The following SORL1 variants were observed in gnomAD, a reference collection of about 807,000 sequenced individuals.
SORL1 encodes sortilin-related receptor.
SORL1 carries 127 observed loss-of-function variants against 273.7 expected under a neutral mutation model. That is an observed-to-expected ratio of 0.46 (90% CI 0.40 to 0.54). The LOEUF is 0.54. Among genes scored for constraint, SORL1 ranks in the 20% least tolerant of loss-of-function variants. The pLI is 0.00. For missense variants in SORL1, 2,494 were observed against 2,846.1 expected (o/e 0.88, Z 2.81); for synonymous variants, 1,031 against 1,067.4 (o/e 0.97, Z 0.66).
At chr11:121,604,794 A>T (rs1863444403) in intron 33 of SORL1, among the ~76,000 whole-genome samples, 1 of 152,146 alleles carries the variant, frequency 6.6e-6, no homozygotes, top group South Asian at 2.1e-4. Context: ...CCTAGGAGGG[A>T]TTGTATAGGG....
chr11:121,613,021 C>T (rs947069933), intron 40 of SORL1, among the ~76,000 whole-genome samples, 189 bp downstream of exon 40: 17 of 152,188 alleles, frequency 1.1e-4, no homozygotes, highest in African/African-American at 4.1e-4. Context: ...GAGGGATTCA[C>T]TCAGTGGCCC....
In SORL1 at chr11:121,589,409, C is replaced by A; in HGVS notation, c.4078+19C>A. 1 of 1,611,768 alleles carries A rather than the reference C, an allele frequency of 6.2e-7. No homozygotes were observed. The highest frequency in any genetic ancestry group is 1.1e-5 in the South Asian group (1 of 91,028). On this transcript the variant is annotated intron_variant, in intron 29 of 47. Transcript: ENST00000260197. ...AACTGCGGTAAGATGTCCAGTCTGCCTCCTCACATCCTAATCCTCTAGTTA... is the reference window on the plus strand; with the variant it reads ...AACTGCGGTAAGATGTCCAGTCTGCATCCTCACATCCTAATCCTCTAGTTA...
At chr11:121,488,648 C>T (rs1341737099) in intron 4 of SORL1, among the ~76,000 whole-genome samples, 3 of 152,150 alleles carry the variant, frequency 2.0e-5, no homozygotes, top group African/African-American at 7.2e-5. Context: ...CAGTAATAGT[C>T]TTCCTTCGAG....
At chr11:121,485,069 A>T (rs748373781) in intron 3 of SORL1, among the ~76,000 whole-genome samples, 2 of 152,114 alleles carry the variant, frequency 1.3e-5, no homozygotes, top group Non-Finnish European at 2.9e-5. Flanking sequence ...GCTTGTTCTT[A>T]AGGGCGGTGG....
intron 25 of SORL1, among the ~76,000 whole-genome samples, chr11:121,579,673 C>G (rs777023494): frequency 6.6e-6 from 1 of 152,144 alleles, no homozygotes; most frequent in Non-Finnish European, 1.5e-5. Flanking sequence ...TACTAAAATA[C>G]CTAGTATTTT....
chr11:121,617,669 G>A (rs1012264876), intron 41 of SORL1, among the ~76,000 whole-genome samples: 5 of 152,112 alleles, frequency 3.3e-5, no homozygotes, highest in African/African-American at 1.2e-4. Flanking sequence ...CATAACTCTT[G>A]GAGAAAATGC....
chr11:121,619,750 C>T lies in SORL1; in HGVS notation c.5725-3C>T, dbSNP rs769882059. 5 of 1,611,228 alleles carry T rather than the reference C, an allele frequency of 3.1e-6. No homozygotes were observed. The South Asian group carries it at 5.5e-5, about 18-fold the overall frequency. ...TTTTCCTACGTGTGTGCTTGGGCTT[C>T]AGGTCCGTGTAGTGGTACCCTACCA... On this transcript the variant is annotated splice_region_variant and splice_polypyrimidine_tract_variant and intron_variant, in intron 42 of 47. Coordinates refer to ENST00000260197, the MANE Select transcript of SORL1 (RefSeq NM_003105.6).
rs1429534087 is a variant in SORL1, at chr11:121,549,899, G to GAA, written c.2052-61_2052-60insAA. 4 of 1,553,338 alleles carry GAA rather than the reference G, an allele frequency of 2.6e-6. No individual in the cohort carries two copies. The East Asian group carries it at 9.1e-5, about 35-fold the overall frequency. On this transcript the variant is annotated intron_variant, in intron 14 of 47. Coordinates refer to ENST00000260197, the MANE Select transcript of SORL1 (RefSeq NM_003105.6). The stretch of plus-strand genomic sequence containing the variant: ...TAGTAAGGTAAAGTCAGCAGAATTG[G>GAA]TACAGGAATGCCTGAAATGTATAAA...
chr11:121,619,876 A>G lies in SORL1; in HGVS notation c.5848A>G (p.Ile1950Val), dbSNP rs781115666. The G allele has an allele frequency of 6.2e-7, 1 of 1,614,016 alleles. No homozygotes were observed. The highest frequency in any genetic ancestry group is 8.5e-7 in the Non-Finnish European group (1 of 1,180,024). ...VVHTGKTSVVIKWESPYDSPD... is the reference protein window; with the variant it reads ...VVHTGKTSVVVKWESPYDSPD... ...TCATACGGGCAAAACCTCCGTGGTCATCAAGTGGGAATCACCGTATGACTC... is the reference window on the plus strand; with the variant it reads ...TCATACGGGCAAAACCTCCGTGGTCGTCAAGTGGGAATCACCGTATGACTC... The change falls in exon 43 of 48, where the codon ATC becomes GTC. Residue 1950 changes from isoleucine (I) to valine (V), a missense_variant. Ile to Val is a conservative substitution (Grantham distance 29). Transcript: ENST00000260197.
At chr11:121,565,075 G>C (rs905496280) in intron 21 of SORL1, among the ~76,000 whole-genome samples, 1 of 152,164 alleles carries the variant, frequency 6.6e-6, no homozygotes, top group Non-Finnish European at 1.5e-5. Context: ...GGAGCCATCT[G>C]TGCCCACTAA....
At chr11:121,591,387 A>G (rs949836594) in intron 31 of SORL1, among the ~76,000 whole-genome samples, 2 of 152,210 alleles carry the variant, frequency 1.3e-5, no homozygotes, top group South Asian at 2.1e-4. Context: ...CTCATCCTCT[A>G]TAACTGGCCT....
chr11:121,599,773 T>A (rs921719807), intron 32 of SORL1, among the ~76,000 whole-genome samples: 8 of 152,206 alleles, frequency 5.3e-5, no homozygotes, highest in Non-Finnish European at 7.3e-5. Flanking sequence ...TGTACTTTTT[T>A]TTTTTTGAAG....
intron 1 of SORL1, among the ~76,000 whole-genome samples, chr11:121,463,733 G>A (rs973955902): frequency 3.3e-5 from 5 of 152,214 alleles, no homozygotes; most frequent in African/African-American, 1.2e-4. Context: ...TCAAGTGAGT[G>A]AGCTGAGATT....
chr11:121,529,677 A>G (rs952807518), intron 11 of SORL1, among the ~76,000 whole-genome samples: 3 of 152,186 alleles, frequency 2.0e-5, no homozygotes, highest in African/African-American at 4.8e-5. Context: ...GTTGGACTTA[A>G]AGGCACATGC....
rs1863210336 is a variant in SORL1, at chr11:121,591,238, A to T, written c.4369+82A>T. 8 of 1,486,466 alleles carry T rather than the reference A, an allele frequency of 5.4e-6. No homozygotes were observed. The Admixed American group carries it at 1.4e-4, about 25-fold the overall frequency. 92.1% of individuals were successfully genotyped at this position (1,486,466 alleles called of 1,614,324 possible). ...TGGGGGTGTGCTCTGGGCACAATCC[A>T]ACCGGGCCCCATGCCCTGCTGTCTG... On this transcript the variant is annotated intron_variant, in intron 31 of 47. Coordinates refer to ENST00000260197, the MANE Select transcript of SORL1 (RefSeq NM_003105.6).
At chr11:121,589,050 C>T (rs1216716259) in intron 28 of SORL1, among the ~76,000 whole-genome samples, 2 of 152,294 alleles carry the variant, frequency 1.3e-5, no homozygotes, top group East Asian at 1.9e-4. Context: ...GCTCATAACA[C>T]GACTCGGTAA....
intron 26 of SORL1, among the ~76,000 whole-genome samples, chr11:121,584,838 C>A (rs1863070271): frequency 6.6e-6 from 1 of 152,206 alleles, no homozygotes; most frequent in Admixed American, 6.5e-5. Context: ...AAGTGATCTG[C>A]CCACCTTGGC....
chr11:121,477,371 A>G (rs967495425), intron 2 of SORL1, among the ~76,000 whole-genome samples: 3 of 152,236 alleles, frequency 2.0e-5, no homozygotes, highest in Non-Finnish European at 4.4e-5. Context: ...ATGAAGAATT[A>G]GATACGTTTT....
At chr11:121,613,293 G>A (rs1863593459) in intron 40 of SORL1, among the ~76,000 whole-genome samples, 2 of 152,170 alleles carry the variant, frequency 1.3e-5, no homozygotes, top group Non-Finnish European at 2.9e-5. Context: ...AACTAAGGGA[G>A]GAGTGGTCCA....
Sources: gnomAD v4.1 joint callset for allele counts (sites outside exome capture counted in the v4.1 genomes callset) on GRCh38, gnomAD v4.1.1 for gene constraint, MANE v1.5 for transcripts, NCBI Gene and HGNC (gene_info 2026-07-23, HGNC 2026-07-21) for gene names.